Variants in WFS1 observed in about 807,000 individuals in gnomAD.
WFS1 encodes the protein wolframin ER transmembrane glycoprotein.
Under a neutral mutation model 68.5 loss-of-function variants are expected in WFS1, and 90 were observed. The observed-to-expected ratio is 1.31, with a 90% CI of 1.11 to 1.56. WFS1 has a LOEUF of 1.56. Ranked by LOEUF, WFS1 falls within the 40% of genes most tolerant of loss-of-function variation. WFS1 has a pLI of 0.00. For missense variants in WFS1, 1,767 were observed against 1,232.6 expected, an observed-to-expected ratio of 1.43 and a Z score of -6.49; for synonymous variants, 860 against 540.7, an observed-to-expected ratio of 1.59 and a Z score of -8.19.
chr4:6,291,782 G>A (rs1730470857), intron 5 of WFS1, 135 bp from the exon 6 acceptor site: 3 of 934,092 alleles, frequency 3.2e-6, no homozygotes, highest in Non-Finnish European at 3.4e-6. Context: ...TGCCCTGGGG[G>A]CCCTATGATC....
At chr4:6,274,108 G>A (rs1283518639) in intron 1 of WFS1, among the ~76,000 whole-genome samples, 4 of 151,070 alleles carry the variant, frequency 2.6e-5, no homozygotes, top group Admixed American at 6.6e-5. Context: ...GTGCAGTGGC[G>A]CGATCTCGGC....
At chr4:6,291,786 T>A in intron 5 of WFS1, 131 bp from the exon 6 acceptor site, 1 of 998,078 alleles carries the variant, frequency 1.0e-6, no homozygotes, top group Non-Finnish European at 1.5e-6. Context: ...CTGGGGGCCC[T>A]ATGATCCCCA....
chr4:6,291,887 C>G, intron 5 of WFS1, 30 bp from the exon 6 acceptor site: 1 of 1,594,694 alleles, frequency 6.3e-7, no homozygotes, highest in Non-Finnish European at 8.5e-7. Flanking sequence ...GTCAACTTGT[C>G]TGACTGTTAA....
At chr4:6,279,249 G>A in intron 2 of WFS1, among the ~76,000 whole-genome samples, 1 of 152,230 alleles carries the variant, frequency 6.6e-6, no homozygotes, top group East Asian at 1.9e-4. Context: ...AGGTGGGTGA[G>A]CATCAGTTGA....
chr4:6,277,241 G>T (rs1330641809), intron 1 of WFS1, among the ~76,000 whole-genome samples: 1 of 152,250 alleles, frequency 6.6e-6, no homozygotes, highest in Non-Finnish European at 1.5e-5. Context: ...CATGCCATCT[G>T]TAGAGTCACG....
chr4:6,291,468 G>T, intron 5 of WFS1, 101 bp downstream of exon 5: 1 of 1,486,618 alleles, frequency 6.7e-7, no homozygotes, highest in Non-Finnish European at 9.1e-7. Context: ...TCAGGGGCTG[G>T]GTCTTCCCAC....
chr4:6,299,402 G>A (rs1730759983), intron 7 of WFS1, among the ~76,000 whole-genome samples: 2 of 151,496 alleles, frequency 1.3e-5, no homozygotes, highest in South Asian at 4.1e-4. Context: ...CTATGGGGAG[G>A]TAGGGGTGCG....
rs909827012 is a variant in WFS1 at position 6,298,531 on chromosome 4, T to C, written c.862-2126T>C. ...TTAAGTGGACTGTCACAAATATACA[T>C]GAAGCAGCAGAGCTGTTCCCCCACG... On this transcript the variant is annotated intron_variant, in intron 7 of 7. Transcript: ENST00000226760. Among the ~76,000 whole-genome samples, 7 of 149,932 alleles carry C rather than the reference T, an allele frequency of 4.7e-5. 1 individual carries two copies. The highest frequency in any genetic ancestry group is 4.6e-4 in the Admixed American group (7 of 15,226).
intron 2 of WFS1, among the ~76,000 whole-genome samples, chr4:6,284,733 T>A (rs759065689): frequency 6.6e-6 from 1 of 151,470 alleles, no homozygotes; most frequent in Non-Finnish European, 1.5e-5. Flanking sequence ...TCATAAACCA[T>A]CCTATCAGAT....
rs745712429 is a variant in WFS1 at position 6,301,418 on chromosome 4, T to G, written c.1623T>G (p.Cys541Trp). 2.5e-5 allele frequency: 40 copies of G among 1,611,952 alleles called. No individual in the cohort carries two copies. The highest frequency in any genetic ancestry group is 3.1e-5 in the Non-Finnish European group (36 of 1,179,606). The change falls in exon 8 of 8, where the codon TGT becomes TGG. Residue 541 changes from cysteine to tryptophan, a missense_variant. By Grantham distance (215) the Cys-to-Trp change is radical (BLOSUM62 -2). Coordinates refer to ENST00000226760, the MANE Select transcript of WFS1 (RefSeq NM_006005.3). ...CCTACCTGGTGTGCTTCATGTGGTG[T>G]GAGCTCTCCGTGGTCATCCTGCTGG... is the stretch of plus-strand genomic sequence containing the variant. ...LVPYLVCFMW[C>W]ELSVVILLES...
In WFS1 at chr4:6,289,002, C is replaced by T. The variant is rs1285949234; in HGVS notation, c.331C>T (p.Leu111=). 2 of 1,608,748 alleles carry T rather than the reference C, an allele frequency of 1.2e-6. No individual in the cohort carries two copies. Among genetic ancestry groups the T allele is most frequent in the South Asian group, 2.2e-5 (2 of 89,630 alleles). ...TGGCTTGCAGGTGGGGAAGCACTAC[C>T]TGCAGTTGGCCGGCGACACGGATGA... is the stretch of plus-strand genomic sequence containing the variant. ...KAQTEVGKHY[L]QLAGDTDEEL... is the part of the protein sequence containing the mutation. The change falls in exon 4 of 8, where the codon CTG becomes TTG. Residue 111 remains leucine (L), a synonymous_variant. Coordinates refer to ENST00000226760, the MANE Select transcript of WFS1 (RefSeq NM_006005.3).
At position 6,287,209 on chromosome 4, in the gene WFS1, C is replaced by G; in HGVS notation, c.315+34C>G. 7 of 1,535,352 alleles carry G rather than the reference C, an allele frequency of 4.6e-6. No homozygotes were observed. The highest frequency in any genetic ancestry group is 6.2e-6 in the Non-Finnish European group (7 of 1,133,688). ...TGCGGTGCCGGCAGGGACTTCGGGA[C>G]GCGGCCCCCGGCACAACAGGCCTGG... On this transcript the variant is annotated intron_variant, in intron 3 of 7. Coordinates refer to ENST00000226760, the MANE Select transcript of WFS1 (RefSeq NM_006005.3). This position sits in a 1 kb window ranked among gnomAD's most constrained non-coding sequence, Gnocchi z 6.4.
chr4:6,280,787 G>A (rs1382955445), intron 2 of WFS1, among the ~76,000 whole-genome samples: 1 of 152,132 alleles, frequency 6.6e-6, no homozygotes, highest in Non-Finnish European at 1.5e-5. Context: ...GCGGCCCTGA[G>A]CTCTCCTGCT....
chr4:6,298,348 T>C (rs1315213363), intron 7 of WFS1, among the ~76,000 whole-genome samples: 3 of 152,214 alleles, frequency 2.0e-5, no homozygotes, highest in African/African-American at 7.2e-5. Flanking sequence ...CTGGCAAGCG[T>C]TGGAAATGCC....
chr4:6,299,548 A>ATGTGTATAGGGGTGGGTTGTGTGAATG (rs1730772755), intron 7 of WFS1, among the ~76,000 whole-genome samples: 1 of 31,226 alleles, frequency 3.2e-5, no homozygotes, highest in Non-Finnish European at 5.6e-5. Flanking sequence ...GGTTGTGTGA[A>ATGTGTATAGGGGTGGGTTGTGTGAATG]TGTGTGTGTA....
In WFS1 at chr4:6,301,134, C is replaced by A; in HGVS notation, c.1339C>A (p.Leu447Met). 2 of 1,613,476 alleles carry A rather than the reference C, an allele frequency of 1.2e-6. No homozygotes were observed. The highest frequency in any genetic ancestry group is 1.7e-6 in the Non-Finnish European group (2 of 1,180,022). Residue 447 changes from leucine to methionine, a missense_variant, in exon 8 of 8, where the codon CTG (leucine) becomes ATG (methionine). Transcript: ENST00000226760. Reference sequence around the variant, plus strand: ...CTTTACCGTGACCAGCTACCTGAGCCTGAGCACCCATGCAGAGCCCTACAC... The same window carrying A: ...CTTTACCGTGACCAGCTACCTGAGCATGAGCACCCATGCAGAGCCCTACAC... ...GFFTVTSYLS[L>M]STHAEPYTRR...
At chr4:6,298,466 A>G (rs1401292374) in intron 7 of WFS1, among the ~76,000 whole-genome samples, 2 of 149,888 alleles carry the variant, frequency 1.3e-5, no homozygotes, top group Admixed American at 1.3e-4. Flanking sequence ...GGGAGCTGTT[A>G]GCTGCTTTAA....
At chr4:6,291,784 C>A in intron 5 of WFS1, 133 bp from the exon 6 acceptor site, 1 of 965,902 alleles carries the variant, frequency 1.0e-6, no homozygotes, top group Non-Finnish European at 1.6e-6. Context: ...CCCTGGGGGC[C>A]CTATGATCCC....
intron 1 of WFS1, among the ~76,000 whole-genome samples, chr4:6,277,042 A>G (rs1288726140): frequency 1.3e-5 from 2 of 152,246 alleles, no homozygotes; most frequent in Non-Finnish European, 2.9e-5. Context: ...GCACATTCAC[A>G]GACATTGGTG....
Sources: gnomAD v4.1 joint callset for allele counts (sites outside exome capture counted in the v4.1 genomes callset) on GRCh38, gnomAD v4.1.1 for gene constraint, Gnocchi (gnomAD v3.1) non-coding constraint, MANE v1.5 for transcripts, NCBI Gene and HGNC (gene_info 2026-07-23, HGNC 2026-07-21) for gene names.